The following EPB41L4B variants were observed in gnomAD, a reference collection of about 807,000 sequenced individuals.
EPB41L4B encodes band 4.1-like protein 4B.
A neutral mutation model predicts 112.5 loss-of-function variants in EPB41L4B; 30 were observed. That is an observed-to-expected ratio of 0.27 (90% confidence interval 0.20 to 0.36). The LOEUF (loss-of-function observed/expected upper bound fraction) is 0.36. Among genes scored for constraint, EPB41L4B ranks in the 10% least tolerant of loss-of-function variants. The pLI is 1.00. For synonymous variants in EPB41L4B, 408 were observed against 439.7 expected, an observed-to-expected ratio of 0.93 and a Z score of 0.90; for missense variants, 1,024 against 1,133.3, an observed-to-expected ratio of 0.90 and a Z score of 1.38.
At chr9:109,224,545 G>A (rs1305244282) in intron 15 of EPB41L4B, among the ~76,000 whole-genome samples, 1 of 152,186 alleles carries the variant, frequency 6.6e-6, no homozygotes, top group African/African-American at 2.4e-5. Flanking sequence ...AGGGAGGATG[G>A]TGGACGGGGG....
At chr9:109,306,387 A>C (rs1054691132) in intron 1 of EPB41L4B, among the ~76,000 whole-genome samples, 1 of 151,954 alleles carries the variant, frequency 6.6e-6, no homozygotes, top group African/African-American at 2.4e-5. Flanking sequence ...CGAGGTGGGG[A>C]TGGATCACCT....
In EPB41L4B at chr9:109,305,880, C is replaced by T. The variant is rs528585714; in HGVS notation, c.306+14261G>A. On this transcript the variant is annotated intron_variant, in intron 1 of 25. Coordinates refer to ENST00000374566, the MANE Select transcript of EPB41L4B (RefSeq NM_019114.5). ...TAGAGCTTGCAGTGAGTCGAGATCG[C>T]GCCACTGCAGTCCAGCCTGGGTGGC... Among the ~76,000 whole-genome samples the T allele has an allele frequency of 3.7e-4, 56 of 152,092 alleles. No individual in the cohort carries two copies. In the East Asian group the frequency reaches 9.1e-3, roughly 25 times the overall value.
intron 23 of EPB41L4B, among the ~76,000 whole-genome samples, chr9:109,184,037 CAG>C (rs1381468096): frequency 6.6e-6 from 1 of 152,202 alleles, no homozygotes; most frequent in Admixed American, 6.5e-5. Flanking sequence ...TCAAAATTGC[CAG>C]AATAGGCCTG....
chr9:109,266,090 T>C (rs896008383), intron 4 of EPB41L4B, among the ~76,000 whole-genome samples: 1 of 152,234 alleles, frequency 6.6e-6, no homozygotes, highest in Non-Finnish European at 1.5e-5. Context: ...TACCATCTTG[T>C]ATACTCATCT....
At chr9:109,283,561 A>G (rs1417806988) in intron 1 of EPB41L4B, among the ~76,000 whole-genome samples, 3 of 152,214 alleles carry the variant, frequency 2.0e-5, no homozygotes, top group Non-Finnish European at 4.4e-5. Flanking sequence ...CTGTTCAGCC[A>G]TTATACAAGA....
At chr9:109,293,776 T>C (rs905487538) in intron 1 of EPB41L4B, among the ~76,000 whole-genome samples, 3 of 151,774 alleles carry the variant, frequency 2.0e-5, no homozygotes, top group Non-Finnish European at 2.9e-5. Context: ...AGAAAGATGT[T>C]AACGATATTG....
At chr9:109,215,053 G>A (rs1833312905) in intron 16 of EPB41L4B, among the ~76,000 whole-genome samples, 1 of 152,170 alleles carries the variant, frequency 6.6e-6, no homozygotes, top group Non-Finnish European at 1.5e-5. Context: ...TCCATTTCCA[G>A]CTCAGCTGAC....
At position 109,185,473 on chromosome 9, in the gene EPB41L4B, C is replaced by T; in HGVS notation, c.2418+16G>A. The T allele has an allele frequency of 6.2e-7, 1 of 1,610,620 alleles. No individual in the cohort carries two copies. The highest frequency in any genetic ancestry group is 8.5e-7 in the Non-Finnish European group (1 of 1,177,002). Reference sequence around the variant, plus strand: ...ACCTCTCCTGGCCAGGCCCCTCTCCCTGCCAGGGTACCTACCAGCCTCGTT... The same window carrying T: ...ACCTCTCCTGGCCAGGCCCCTCTCCTTGCCAGGGTACCTACCAGCCTCGTT... On this transcript the variant is annotated intron_variant, in intron 23 of 25. Coordinates refer to ENST00000374566, the MANE Select transcript of EPB41L4B (RefSeq NM_019114.5).
At chr9:109,256,293 C>CA in intron 8 of EPB41L4B, 69 bp from the exon 9 acceptor site, 1 of 1,586,780 alleles carries the variant, frequency 6.3e-7, no homozygotes, top group South Asian at 1.1e-5. Context: ...ATGCAAAATG[C>CA]AAAAACAGTT....
chr9:109,226,577 T>C lies in EPB41L4B; in HGVS notation c.1410-9432A>G, dbSNP rs527756378. On this transcript the variant is annotated intron_variant, in intron 15 of 25. Coordinates refer to ENST00000374566, the MANE Select transcript of EPB41L4B (RefSeq NM_019114.5). ...CAGTTTTCGGATTGCCCATGACTTA[T>C]ATACAATCAAAACCTCTCTTTGGAT... Among the ~76,000 whole-genome samples, 187 of 147,616 alleles carry C rather than the reference T, an allele frequency of 1.3e-3. 1 individual carries two copies. The highest frequency in any genetic ancestry group is 4.4e-3 in the African/African-American group (174 of 39,980).
intron 22 of EPB41L4B, among the ~76,000 whole-genome samples, chr9:109,190,213 T>C (rs973095355): frequency 7.2e-5 from 11 of 152,180 alleles, no homozygotes; most frequent in African/African-American, 2.7e-4. Context: ...TGGTGGGGCC[T>C]CAGGAGTCTC....
At chr9:109,229,646 G>A (rs754388547) in intron 15 of EPB41L4B, among the ~76,000 whole-genome samples, 5 of 152,196 alleles carry the variant, frequency 3.3e-5, no homozygotes, top group Admixed American at 6.5e-5. Context: ...ACTGGTTCCT[G>A]TTTTACTTTA....
chr9:109,285,670 C>T (rs977247375), intron 1 of EPB41L4B, among the ~76,000 whole-genome samples: 29 of 152,246 alleles, frequency 1.9e-4, no homozygotes, highest in Middle Eastern at 3.4e-3. Flanking sequence ...TGATCAAGGT[C>T]ACTGCCCTTG....
At chr9:109,177,235 A>C (rs1831875177) in intron 24 of EPB41L4B, among the ~76,000 whole-genome samples, 1 of 152,174 alleles carries the variant, frequency 6.6e-6, no homozygotes, top group Non-Finnish European at 1.5e-5. Context: ...AGTGGTTCCC[A>C]AAGTATGGGC....
At chr9:109,223,511 C>T (rs1219812961) in intron 15 of EPB41L4B, among the ~76,000 whole-genome samples, 1 of 152,030 alleles carries the variant, frequency 6.6e-6, no homozygotes, top group Non-Finnish European at 1.5e-5. Flanking sequence ...GTGACCAGTG[C>T]TGGGCATGGC....
intron 17 of EPB41L4B, among the ~76,000 whole-genome samples, chr9:109,209,864 T>C (rs943696732): frequency 2.6e-5 from 4 of 152,156 alleles, no homozygotes; most frequent in African/African-American, 4.8e-5. Flanking sequence ...CACTTGTCCA[T>C]AGTCACACAG....
chr9:109,178,385 C>CTT lies in EPB41L4B; in HGVS notation c.2488-1691_2488-1690dup, dbSNP rs201156641. Among the ~76,000 whole-genome samples, 639 of 143,588 alleles carry CTT rather than the reference C, an allele frequency of 4.5e-3. 3 individuals carry two copies. Among genetic ancestry groups the CTT allele is most frequent in the Middle Eastern group, 0.034 (9 of 266 alleles). The allele number at this position is 143,588 out of a possible 152,430, so 94.2% of individuals were successfully genotyped here. ...CTGATCATCAAATGAGCAGTATCTT[C>CTT]TTTTTTTTTTTTTTGAGTTGGAGTT... On this transcript the variant is annotated intron_variant, in intron 24 of 25. Transcript: ENST00000374566.
intron 1 of EPB41L4B, among the ~76,000 whole-genome samples, chr9:109,283,073 C>CT (rs1392975737): frequency 1.3e-5 from 2 of 152,174 alleles, no homozygotes; most frequent in Non-Finnish European, 2.9e-5. Context: ...TTAAAATACA[C>CT]TTTTTTCTTA....
At position 109,320,508 on chromosome 9, in the gene EPB41L4B, T is replaced by TGCGCCGCCGCC. The variant is rs1837834165; in HGVS notation, c.-73_-63dup. ...CTGCCGCTGCCGCTGCCGCTGCCGC[T>TGCGCCGCCGCC]GCGCCGCCGCCCGGGAGCGTCCCGC... On this transcript the variant is annotated 5_prime_UTR_variant, in exon 1 of 26. Transcript: ENST00000374566. 1 of 862,246 alleles carries TGCGCCGCCGCC rather than the reference T, an allele frequency of 1.2e-6. No homozygotes were observed. Among genetic ancestry groups the TGCGCCGCCGCC allele is most frequent in the Non-Finnish European group, 1.4e-6 (1 of 720,828 alleles). The allele number at this position is 862,246 out of a possible 1,614,324, so 53.4% of individuals were successfully genotyped here.
Sources: gnomAD v4.1 joint callset for allele counts (sites outside exome capture counted in the v4.1 genomes callset) on GRCh38, gnomAD v4.1.1 for gene constraint, MANE v1.5 for transcripts, NCBI Gene and HGNC (gene_info 2026-07-23, HGNC 2026-07-21) for gene names.